DYRK1A: variants seen among roughly 807,000 people sequenced by gnomAD.
DYRK1A encodes the protein dual specificity tyrosine-phosphorylation-regulated kinase 1A.
Under a neutral mutation model 79.7 loss-of-function variants are expected in DYRK1A, and 9 were observed. The observed-to-expected ratio is 0.11, with a 90% confidence interval of 0.07 to 0.20. The LOEUF is 0.20. DYRK1A is among the 10% of genes least tolerant of loss of function. The pLI is 1.00. For missense variants in DYRK1A, 622 were observed against 956.0 expected (o/e 0.65, Z 4.61); for synonymous variants, 349 against 329.7 (o/e 1.06, Z -0.63).
At chr21:37,415,905 GCT>G (rs1474174937) in intron 1 of DYRK1A, among the ~76,000 whole-genome samples, 1 of 152,120 alleles carries the variant, frequency 6.6e-6, no homozygotes, top group African/African-American at 2.4e-5. Flanking sequence ...CTGCTAATGA[GCT>G]CTTGTTTTTT....
intron 2 of DYRK1A, among the ~76,000 whole-genome samples, chr21:37,443,176 G>T (rs1258277901): frequency 6.6e-6 from 1 of 151,972 alleles, no homozygotes; most frequent in East Asian, 1.9e-4. Flanking sequence ...TAGAGACAGG[G>T]TCTTGCTCTG....
chr21:37,392,456 G>C (rs763794166), intron 1 of DYRK1A, among the ~76,000 whole-genome samples: 29 of 152,226 alleles, frequency 1.9e-4, no homozygotes, highest in Non-Finnish European at 3.5e-4. Context: ...ACCTTGGACT[G>C]AATAATTTAT....
Position 37,522,654 on chromosome 21 carries a change from A to G in DYRK1A, c.*10123A>G, listed in dbSNP as rs1439792744. ...CCTACAAAATTTTTATTTTGGCAAA[A>G]CCGTCCATGAATTTGGAGATGTTGA... On this transcript the variant is annotated 3_prime_UTR_variant, in exon 12 of 12. Coordinates refer to ENST00000647188, the MANE Select transcript of DYRK1A (RefSeq NM_001347721.2). 1 of 152,166 alleles carries G rather than the reference A, an allele frequency of 6.6e-6. No homozygotes were observed. The highest frequency in any genetic ancestry group is 1.5e-5 in the Non-Finnish European group (1 of 68,018). 9.4% of individuals were successfully genotyped at this position (152,166 alleles called of 1,614,324 possible).
At chr21:37,432,730 T>TG (rs2050810258) in intron 2 of DYRK1A, among the ~76,000 whole-genome samples, 1 of 152,150 alleles carries the variant, frequency 6.6e-6, no homozygotes, top group Non-Finnish European at 1.5e-5. Flanking sequence ...GCTGTTTCCG[T>TG]GTCTCAAGCA....
intron 2 of DYRK1A, among the ~76,000 whole-genome samples, chr21:37,468,104 AACTT>A (rs922687781): frequency 5.3e-5 from 8 of 152,122 alleles, no homozygotes; most frequent in Non-Finnish European, 7.4e-5. Context: ...GGAATAGCCA[AACTT>A]ACTTACTTTT....
At chr21:37,478,562 ATTTT>A (rs1409160725) in intron 4 of DYRK1A, among the ~76,000 whole-genome samples, 2 of 152,108 alleles carry the variant, frequency 1.3e-5, no homozygotes, top group African/African-American at 2.4e-5. Context: ...TTTAATTTTT[ATTTT>A]TTGTTTTTTA....
chr21:37,413,386 A>C (rs1379099827), intron 1 of DYRK1A, among the ~76,000 whole-genome samples: 1 of 152,120 alleles, frequency 6.6e-6, no homozygotes, highest in Non-Finnish European at 1.5e-5. Flanking sequence ...CATGCAAATC[A>C]ATTATATATT....
intron 2 of DYRK1A, among the ~76,000 whole-genome samples, chr21:37,455,214 G>GTTTTT (rs1046025153): frequency 6.6e-6 from 1 of 151,988 alleles, no homozygotes; most frequent in Non-Finnish European, 1.5e-5. Context: ...CAGATGACAT[G>GTTTTT]TTTTTTCCAG....
intron 6 of DYRK1A, among the ~76,000 whole-genome samples, chr21:37,489,419 G>T (rs1402099704): frequency 6.6e-6 from 1 of 152,068 alleles, no homozygotes; most frequent in Non-Finnish European, 1.5e-5. Flanking sequence ...TTTTTAGAGG[G>T]TCAACAGTGA....
chr21:37,409,852 A>G (rs954510103), intron 1 of DYRK1A, among the ~76,000 whole-genome samples: 2 of 152,212 alleles, frequency 1.3e-5, no homozygotes, highest in Admixed American at 6.5e-5. Context: ...CCCCTCATGC[A>G]GTGAAGCTTT....
chr21:37,483,080 A>G (rs1422825580), intron 5 of DYRK1A, among the ~76,000 whole-genome samples: 1 of 152,204 alleles, frequency 6.6e-6, no homozygotes, highest in Non-Finnish European at 1.5e-5. Flanking sequence ...TCAGCTTACG[A>G]AAATGAAGGG....
chr21:37,492,566 T>C (rs1344282652), intron 7 of DYRK1A, among the ~76,000 whole-genome samples: 1 of 149,490 alleles, frequency 6.7e-6, no homozygotes, highest in Non-Finnish European at 1.5e-5. Flanking sequence ...TTTTAAATTA[T>C]ATTATATTGA....
At chr21:37,451,446 T>G (rs1246729351) in intron 2 of DYRK1A, among the ~76,000 whole-genome samples, 2 of 147,424 alleles carry the variant, frequency 1.4e-5, no homozygotes, top group African/African-American at 4.9e-5. Context: ...AAGTGATCTT[T>G]TATATCATAT....
intron 2 of DYRK1A, among the ~76,000 whole-genome samples, chr21:37,448,613 T>C: frequency 6.6e-6 from 1 of 152,108 alleles, no homozygotes; most frequent in South Asian, 2.1e-4. Flanking sequence ...TGATTTATGC[T>C]GAAAAAACTT....
At chr21:37,468,901 G>A (rs2052125311) in intron 2 of DYRK1A, among the ~76,000 whole-genome samples, 1 of 152,168 alleles carries the variant, frequency 6.6e-6, no homozygotes, top group Non-Finnish European at 1.5e-5. Flanking sequence ...GACAAGGCAA[G>A]CTGCCTGTAA....
chr21:37,430,383 T>C, intron 2 of DYRK1A: 1 of 985,354 alleles, frequency 1.0e-6, no homozygotes, highest in Non-Finnish European at 1.2e-6. Context: ...ATAGGAGAAA[T>C]GTTACCACTG....
rs1420953212 is a variant in DYRK1A, at chr21:37,496,126, G to C, written c.1080G>C (p.Gln360His). 6.2e-7 allele frequency: 1 copy of C among 1,611,228 alleles called. No individual in the cohort carries two copies. The highest frequency in any genetic ancestry group is 8.5e-7 in the Non-Finnish European group (1 of 1,179,218). The change falls in exon 9 of 12, where the codon CAG becomes CAC. Residue 360 changes from glutamine (Q) to histidine (H), a missense_variant. Gln to His is a conservative substitution (Grantham distance 24). Around this residue, in one of 5 missense-constraint regions of DYRK1A, gnomAD observed 138 missense variants for 346.4 expected, o/e 0.40. Coordinates refer to ENST00000647188, the MANE Select transcript of DYRK1A (RefSeq NM_001347721.2). ...TTTTATTTTTAATACAGGTAGATCA[G>C]ATGAATAAAATAGTGGAAGTTCTGG... is the stretch of plus-strand genomic sequence containing the variant. ...PLFSGANEVD[Q>H]MNKIVEVLGI...
chr21:37,476,818 TCC>T (rs71328590), intron 3 of DYRK1A, among the ~76,000 whole-genome samples: 1 of 78,134 alleles, frequency 1.3e-5, no homozygotes, highest in Non-Finnish European at 2.6e-5. Context: ...CACCAAGGGT[TCC>T]CCCCCCCCCC....
intron 5 of DYRK1A, among the ~76,000 whole-genome samples, chr21:37,482,801 G>A (rs967892754): frequency 1.3e-5 from 2 of 152,046 alleles, no homozygotes; most frequent in African/African-American, 2.4e-5. Context: ...TACCCTCAGG[G>A]GCTCATTCTC....
Sources: gnomAD v4.1 joint callset for allele counts (sites outside exome capture counted in the v4.1 genomes callset) on GRCh38, gnomAD v4.1.1 for gene constraint, gnomAD v4.1.1 regional missense constraint, MANE v1.5 for transcripts, NCBI Gene and HGNC (gene_info 2026-07-23, HGNC 2026-07-21) for gene names.